Variants in RPH3A observed in about 807,000 individuals in gnomAD.
RPH3A encodes the protein rabphilin-3A.
RPH3A carries 48 observed loss-of-function variants against 102.2 expected under a neutral mutation model. The ratio of observed to expected loss-of-function variants is 0.47; its 90% CI spans 0.37 to 0.60. RPH3A has a LOEUF of 0.60. RPH3A is among the 20% of genes least tolerant of loss of function. The probability of loss-of-function intolerance (pLI) is 0.00; values close to 1 mark genes in which losing one functional copy is unlikely to be tolerated. For synonymous variants in RPH3A, 310 were observed against 324.3 expected, an observed-to-expected ratio of 0.96 and a Z score of 0.47; for missense variants, 781 against 910.1, an observed-to-expected ratio of 0.86 and a Z score of 1.83.
At chr12:112,841,410 G>A (rs900695463) in intron 4 of RPH3A, among the ~76,000 whole-genome samples, 6 of 152,016 alleles carry the variant, frequency 3.9e-5, no homozygotes, top group Admixed American at 6.5e-5. Flanking sequence ...GATTTGGAAC[G>A]CAAGACATCC....
At chr12:112,720,463 G>A (rs2040543033) in intron 1 of RPH3A, among the ~76,000 whole-genome samples, 1 of 152,176 alleles carries the variant, frequency 6.6e-6, no homozygotes, top group Non-Finnish European at 1.5e-5. Context: ...AAAAGAACAA[G>A]ATTTTCCTTC....
intron 1 of RPH3A, among the ~76,000 whole-genome samples, chr12:112,608,797 A>G (rs2039617538): frequency 1.3e-5 from 2 of 152,188 alleles, no homozygotes; most frequent in South Asian, 4.1e-4. Flanking sequence ...CACATTTCAC[A>G]TTGGATGCTA....
chr12:112,787,077 C>T (rs2041056443), upstream of RPH3A, among the ~76,000 whole-genome samples: 1 of 152,150 alleles, frequency 6.6e-6, no homozygotes, highest in Non-Finnish European at 1.5e-5. Flanking sequence ...CCCTATACTT[C>T]CATCCACACC....
chr12:112,795,180 C>A (rs975188316), intron 2 of RPH3A, among the ~76,000 whole-genome samples: 1 of 152,152 alleles, frequency 6.6e-6, no homozygotes, highest in African/African-American at 2.4e-5. Context: ...GTGAATGGGT[C>A]CTACAGAGTT....
chr12:112,841,870 A>G (rs2042153284), intron 4 of RPH3A: 1 of 452,592 alleles, frequency 2.2e-6, no homozygotes, highest in Non-Finnish European at 4.5e-6. Context: ...AAAGTCAGCT[A>G]GGTTAGTTGG....
At chr12:112,723,410 T>C (rs1237357085) in intron 1 of RPH3A, among the ~76,000 whole-genome samples, 1 of 152,266 alleles carries the variant, frequency 6.6e-6, no homozygotes, top group Non-Finnish European at 1.5e-5. Context: ...TGTATTGATC[T>C]ATACTGTAAG....
chr12:112,764,442 G>C (rs1180523650), intron 1 of RPH3A, among the ~76,000 whole-genome samples: 1 of 152,252 alleles, frequency 6.6e-6, no homozygotes, highest in African/African-American at 2.4e-5. Context: ...GTTTCTTTCA[G>C]ACCTTTGAAG....
rs2042803310 is a variant in RPH3A at position 112,876,650 on chromosome 12, C to T, written c.955C>T (p.Pro319Ser). 1 of 1,605,694 alleles carries T rather than the reference C, an allele frequency of 6.2e-7. No homozygotes were observed. Among genetic ancestry groups the T allele is most frequent in the East Asian group, 2.2e-5 (1 of 44,510 alleles). The change falls in exon 13 of 22, where the codon CCG (proline) becomes TCG (serine). Residue 319 changes from proline (P) to serine (S), a missense_variant. By Grantham distance (74) the Pro-to-Ser change is moderately conservative. This residue lies in a region of RPH3A where 730 missense variants were observed against 810.0 expected (regional missense o/e 0.90). Coordinates refer to ENST00000389385, the MANE Select transcript of RPH3A (RefSeq NM_001143854.2). Reference protein sequence around the residue: ...RFPDQKPEVAPSDPGTTAPPR... With the variant: ...RFPDQKPEVASSDPGTTAPPR... ...TCCTTATCTCCCTGCAGAGGTGGCT[C>T]CGAGCGACCCTGGGACCACTGCCCC... is the stretch of plus-strand genomic sequence containing the variant.
At chr12:112,769,256 C>A (rs1700593400) in intron 1 of RPH3A, among the ~76,000 whole-genome samples, 1 of 152,164 alleles carries the variant, frequency 6.6e-6, no homozygotes, top group Admixed American at 6.5e-5. Flanking sequence ...AGGCTTCTTT[C>A]TTCCTTCCAG....
intron 1 of RPH3A, among the ~76,000 whole-genome samples, chr12:112,762,077 C>A (rs958981024): frequency 6.6e-6 from 1 of 152,168 alleles, no homozygotes; most frequent in South Asian, 2.1e-4. Flanking sequence ...TGGAAAGTAT[C>A]TATGCAAACA....
intron 1 of RPH3A, among the ~76,000 whole-genome samples, chr12:112,603,565 G>C (rs912088636): frequency 6.6e-6 from 1 of 151,990 alleles, no homozygotes; most frequent in Non-Finnish European, 1.5e-5. Flanking sequence ...GATGTACAAG[G>C]GTTTGTGATA....
intron 1 of RPH3A, among the ~76,000 whole-genome samples, chr12:112,578,955 T>TA (rs918224039): frequency 6.6e-6 from 1 of 152,334 alleles, no homozygotes; most frequent in Middle Eastern, 3.4e-3. Flanking sequence ...ATCTTCCAAT[T>TA]AAAAAATGTA....
At chr12:112,798,335 A>C (rs1001300686) in intron 2 of RPH3A, among the ~76,000 whole-genome samples, 1 of 152,202 alleles carries the variant, frequency 6.6e-6, no homozygotes, top group South Asian at 2.1e-4. Context: ...AGGGGGGGAA[A>C]TATCTTCTCA....
At chr12:112,684,155 G>A (rs576528241) in intron 1 of RPH3A, among the ~76,000 whole-genome samples, 7 of 152,152 alleles carry the variant, frequency 4.6e-5, no homozygotes, top group Non-Finnish European at 5.9e-5. Flanking sequence ...AGGTGTACAT[G>A]TTAACATATT....
chr12:112,644,475 C>A (rs190441279), intron 1 of RPH3A, among the ~76,000 whole-genome samples: 69 of 152,170 alleles, frequency 4.5e-4, no homozygotes, highest in Admixed American at 1.6e-3. Context: ...GGCATGAATG[C>A]CCTGTCACTT....
chr12:112,761,474 TG>T (rs1424624538), intron 1 of RPH3A, among the ~76,000 whole-genome samples: 1 of 152,228 alleles, frequency 6.6e-6, no homozygotes, highest in African/African-American at 2.4e-5. Context: ...CCCTGTTCAT[TG>T]GGAACTGGAG....
intron 5 of RPH3A, among the ~76,000 whole-genome samples, chr12:112,858,640 A>T (rs894012562): frequency 6.6e-6 from 1 of 152,164 alleles, no homozygotes; most frequent in African/African-American, 2.4e-5. Flanking sequence ...TCTCACTTGA[A>T]CGCCAGCTCC....
chr12:112,883,447 C>T (rs369810176), intron 16 of RPH3A, 45 bp downstream of exon 16: 75 of 1,433,510 alleles, frequency 5.2e-5, no homozygotes, highest in Middle Eastern at 3.5e-4. Flanking sequence ...AGGGGAGACT[C>T]GGGGTGGGTG....
At chr12:112,629,080 A>G (rs1000113392) in intron 1 of RPH3A, among the ~76,000 whole-genome samples, 2 of 152,228 alleles carry the variant, frequency 1.3e-5, no homozygotes, top group Non-Finnish European at 2.9e-5. Flanking sequence ...TGTGCCACAC[A>G]GACCCATCTG....
Sources: gnomAD v4.1 joint callset for allele counts (sites outside exome capture counted in the v4.1 genomes callset) on GRCh38, gnomAD v4.1.1 for gene constraint, gnomAD v4.1.1 regional missense constraint, MANE v1.5 for transcripts, NCBI Gene and HGNC (gene_info 2026-07-23, HGNC 2026-07-21) for gene names.